The following TMEM132B variants were observed in gnomAD, a reference collection of about 807,000 sequenced individuals.
The protein encoded by TMEM132B is transmembrane protein 132B.
A neutral mutation model predicts 90.8 loss-of-function variants in TMEM132B; 18 were observed. That is an observed-to-expected ratio of 0.20 (90% confidence interval 0.14 to 0.29). The LOEUF (loss-of-function observed/expected upper bound fraction) is 0.29, where lower values mean the gene tolerates loss of function less well. Among genes scored for constraint, TMEM132B ranks in the 10% least tolerant of loss-of-function variants. TMEM132B has a pLI of 1.00. For synonymous variants in TMEM132B, 504 were observed against 523.3 expected (o/e 0.96, Z 0.50); for missense variants, 1,096 against 1,326.8 (o/e 0.83, Z 2.70).
intron 3 of TMEM132B, among the ~76,000 whole-genome samples, chr12:125,420,141 G>A (rs1880129160): frequency 1.3e-5 from 2 of 152,224 alleles, no homozygotes; most frequent in Admixed American, 6.5e-5. Context: ...AACATTCTGG[G>A]GTCAGGAGGA....
chr12:125,258,172 C>A (rs954252205), intron 1 of TMEM132B, among the ~76,000 whole-genome samples: 2 of 152,174 alleles, frequency 1.3e-5, no homozygotes, highest in African/African-American at 4.8e-5. Flanking sequence ...TTGGAGAAGG[C>A]AGACAAATGA....
Position 125,346,245 on chromosome 12 carries a change from CCTT to C in TMEM132B, c.68-3203_68-3201del, listed in dbSNP as rs1877358099. On this transcript the variant is annotated intron_variant, in intron 1 of 8. Coordinates refer to ENST00000682704, the MANE Select transcript of TMEM132B (RefSeq NM_001366854.1). Reference sequence around the variant, plus strand: ...ATCAATTTTTGAGAGGTATAAAATACCTTCTTAAAAGATAAAGAAAACAATAAA... The same window carrying C: ...ATCAATTTTTGAGAGGTATAAAATACCTTAAAAGATAAAGAAAACAATAAA... Among the ~76,000 whole-genome samples the C allele has an allele frequency of 2.0e-5, 3 of 152,114 alleles. No homozygotes were observed. In the South Asian group the frequency reaches 6.2e-4, roughly 31 times the overall value.
Position 125,519,447 on chromosome 12 carries a change from G to T in TMEM132B, c.1115G>T (p.Gly372Val). 8.1e-6 allele frequency: 13 copies of T among 1,606,190 alleles called. No individual in the cohort carries two copies. Among genetic ancestry groups the T allele is most frequent in the Non-Finnish European group, 1.1e-5 (13 of 1,175,274 alleles). Residue 372 changes from glycine to valine, a missense_variant, in exon 4 of 9, where the codon GGA (glycine) becomes GTA (valine). Transcript: ENST00000682704. The part of the protein sequence containing the change: ...HRPDTQSRVN[G>V]SFYEILQVDF... Reference sequence around the variant, plus strand: ...ATGTGTTTGTTTTCCAGGGTAAATGGATCCTTCTATGAGATCTTGCAAGTG... The same window carrying T: ...ATGTGTTTGTTTTCCAGGGTAAATGTATCCTTCTATGAGATCTTGCAAGTG...
intron 1 of TMEM132B, among the ~76,000 whole-genome samples, chr12:125,296,036 T>G (rs1875664715): frequency 6.6e-6 from 1 of 152,196 alleles, no homozygotes; most frequent in Admixed American, 6.5e-5. Flanking sequence ...AAGGTTGCCC[T>G]TGAGTTTGTA....
At chr12:125,648,037 A>C in intron 6 of TMEM132B, among the ~76,000 whole-genome samples, 1 of 145,184 alleles carries the variant, frequency 6.9e-6, no homozygotes, top group East Asian at 2.1e-4. Context: ...ATATCTCCCA[A>C]TGCTACCCCT....
intron 2 of TMEM132B, among the ~76,000 whole-genome samples, chr12:125,388,616 C>T (rs150796582): frequency 6.6e-5 from 10 of 152,188 alleles, no homozygotes; most frequent in Non-Finnish European, 1.3e-4. Flanking sequence ...GTGCCAACCC[C>T]GGCACTTGCT....
chr12:125,401,365 T>A (rs1341679942), intron 2 of TMEM132B, among the ~76,000 whole-genome samples: 1 of 152,160 alleles, frequency 6.6e-6, no homozygotes, highest in Non-Finnish European at 1.5e-5. Flanking sequence ...GGAAGCAAAG[T>A]GTATATTGGG....
chr12:125,575,858 A>T (rs1429288977), intron 4 of TMEM132B, among the ~76,000 whole-genome samples: 4 of 152,126 alleles, frequency 2.6e-5, no homozygotes, highest in Non-Finnish European at 4.4e-5. Context: ...CTTGTTGAAA[A>T]TCAATCTGCT....
chr12:125,652,812 T>C (rs1886960989), intron 8 of TMEM132B, among the ~76,000 whole-genome samples, 180 bp downstream of exon 8: 1 of 152,222 alleles, frequency 6.6e-6, no homozygotes, highest in African/African-American at 2.4e-5. Flanking sequence ...TTAGACACAT[T>C]TCCTCTTATG....
intron 4 of TMEM132B, among the ~76,000 whole-genome samples, chr12:125,569,877 C>T (rs552113302): frequency 1.2e-3 from 188 of 152,190 alleles, no homozygotes; most frequent in Non-Finnish European, 2.2e-3. Flanking sequence ...ATTTTCATTC[C>T]AAATTCTTTA....
intron 1 of TMEM132B, among the ~76,000 whole-genome samples, chr12:125,229,667 G>A (rs984604118): frequency 1.3e-5 from 2 of 152,232 alleles, no homozygotes; most frequent in African/African-American, 4.8e-5. Context: ...TCGTGTTGCA[G>A]CTTCAGGCAT....
chr12:125,339,095 C>A (rs961677931), intron 1 of TMEM132B, among the ~76,000 whole-genome samples: 4 of 152,036 alleles, frequency 2.6e-5, no homozygotes, highest in Non-Finnish European at 4.4e-5. Context: ...GGCAACTTGA[C>A]CATATGATTC....
chr12:125,586,629 C>T (rs1885184601), intron 5 of TMEM132B: 1 of 152,224 alleles, frequency 6.6e-6, no homozygotes, highest in Non-Finnish European at 1.5e-5. Context: ...ATGACTTTGT[C>T]TGGCATATCC....
At chr12:125,202,947 G>GTT (rs1481507149) in intron 1 of TMEM132B, among the ~76,000 whole-genome samples, 2 of 152,088 alleles carry the variant, frequency 1.3e-5, no homozygotes, top group Admixed American at 6.5e-5. Flanking sequence ...TCTTAATTGG[G>GTT]TTTCTTTCAC....
At chr12:125,438,764 C>A (rs1880775686) in intron 3 of TMEM132B, among the ~76,000 whole-genome samples, 1 of 110,092 alleles carries the variant, frequency 9.1e-6, no homozygotes, top group African/African-American at 5.0e-5. Flanking sequence ...AGGTACCTTT[C>A]CACAGGCCGT....
intron 1 of TMEM132B, among the ~76,000 whole-genome samples, chr12:125,215,866 T>C (rs1873427082): frequency 6.6e-6 from 1 of 152,234 alleles, no homozygotes; most frequent in East Asian, 1.9e-4. Flanking sequence ...ACCCTTACAC[T>C]GGGTCCACCT....
At chr12:125,555,326 T>C (rs1884346347) in intron 4 of TMEM132B, among the ~76,000 whole-genome samples, 1 of 151,838 alleles carries the variant, frequency 6.6e-6, no homozygotes, top group Admixed American at 6.6e-5. Flanking sequence ...GAAGTTAATA[T>C]AAAAACAAGT....
At chr12:125,473,738 G>A (rs1002690396) in intron 3 of TMEM132B, among the ~76,000 whole-genome samples, 2 of 152,144 alleles carry the variant, frequency 1.3e-5, no homozygotes, top group African/African-American at 4.8e-5. Context: ...ATGGCTTAGA[G>A]GTCTTTCCAG....
At chr12:125,496,695 C>T (rs1012790280) in intron 3 of TMEM132B, among the ~76,000 whole-genome samples, 1 of 152,212 alleles carries the variant, frequency 6.6e-6, no homozygotes, top group East Asian at 1.9e-4. Flanking sequence ...GCTGCATTCT[C>T]TCTGGCCTTC....
Sources: allele counts gnomAD v4.1 joint callset (sites outside exome capture counted in the v4.1 genomes callset), GRCh38; gene constraint gnomAD v4.1.1; transcripts MANE v1.5; gene names NCBI Gene and HGNC (gene_info 2026-07-23, HGNC 2026-07-21).